GAREM2: variants seen among roughly 807,000 people sequenced by gnomAD.
GAREM2 encodes the protein GRB2-associated and regulator of MAPK protein 2.
A neutral mutation model predicts 55.6 loss-of-function variants in GAREM2; 30 were observed. The observed-to-expected ratio is 0.54, with a 90% CI of 0.40 to 0.73. GAREM2 has a LOEUF of 0.73. Among genes scored for constraint, GAREM2 ranks in the 30% least tolerant of loss-of-function variants. GAREM2 has a pLI of 0.00. For missense variants in GAREM2, 1,075 were observed against 1,257.7 expected (o/e 0.85, Z 2.20); for synonymous variants, 550 against 569.1 (o/e 0.97, Z 0.48).
chr2:26,193,150 A>G (rs570372807), downstream of GAREM2, among the ~76,000 whole-genome samples: 14 of 151,850 alleles, frequency 9.2e-5, no homozygotes, highest in Non-Finnish European at 1.8e-4. Context: ...CTTCTGCACT[A>G]TTGCAGATTT....
downstream of GAREM2, chr2:26,191,156 G>A (rs575343329): frequency 1.5e-5 from 20 of 1,317,886 alleles, no homozygotes; most frequent in Admixed American, 5.2e-5. Context: ...TTGTCTTCTC[G>A]TTACTCTGAT....
chr2:26,196,073 T>C, the GAREM2 span, among the ~76,000 whole-genome samples: 2 of 152,272 alleles, frequency 1.3e-5, no homozygotes, highest in Non-Finnish European at 2.9e-5. Flanking sequence ...ATTATCTACC[T>C]GCTCTTCAAT....
chr2:26,185,424 GGCAAAA>G, intron 4 of GAREM2, 148 bp downstream of exon 4: 3 of 1,295,456 alleles, frequency 2.3e-6, no homozygotes, highest in Non-Finnish European at 3.0e-6. Flanking sequence ...AGGCATGCCA[GGCAAAA>G]GCATTTGTAG....
chr2:26,180,896 C>T, intron 2 of GAREM2: 1 of 985,442 alleles, frequency 1.0e-6, no homozygotes, highest in Non-Finnish European at 1.2e-6. Flanking sequence ...GGGTTACAAG[C>T]GTGAGCCACC....
chr2:26,203,922 A>G, the GAREM2 span: 5 of 854,152 alleles, frequency 5.9e-6, no homozygotes, highest in East Asian at 9.7e-5. Context: ...CGGAGTATCT[A>G]GAACTCATTA....
In GAREM2 at chr2:26,184,218, C is replaced by T. The variant is rs1432569634; in HGVS notation, c.385-15C>T. The T allele has an allele frequency of 6.5e-7, 1 of 1,548,934 alleles. No individual in the cohort carries two copies. The highest frequency in any genetic ancestry group is 1.2e-5 in the South Asian group (1 of 84,048). On this transcript the variant is annotated splice_polypyrimidine_tract_variant and intron_variant, in intron 3 of 5. Coordinates refer to ENST00000401533, the MANE Select transcript of GAREM2 (RefSeq NM_001168241.2). Reference sequence around the variant, plus strand: ...GGACCTGGCTAAGGCCCTGCCCTGTCTCTGGGATCCCCAGGTGGTGTCGGG... The same window carrying T: ...GGACCTGGCTAAGGCCCTGCCCTGTTTCTGGGATCCCCAGGTGGTGTCGGG...
chr2:26,201,548 C>T, the GAREM2 span, among the ~76,000 whole-genome samples: 3 of 152,188 alleles, frequency 2.0e-5, no homozygotes, highest in Non-Finnish European at 2.9e-5. Flanking sequence ...CTCCCAAGTA[C>T]ACATTCTTTC....
chr2:26,187,284 A>G lies in GAREM2; in HGVS notation c.1652A>G (p.Tyr551Cys), dbSNP rs1276312416. ...CCATCGCCGGACACCTACTCCCTCT[A>G]TTGCTACCCATGCACCTGGGGAGAC... ...GSPSPDTYSL[Y>C]CYPCTWGDCK... Residue 551 changes from tyrosine (Y) to cysteine (C), a missense_variant, in exon 6 of 6, where the codon TAT (tyrosine) becomes TGT (cysteine). Physicochemically the swap from Tyr to Cys is radical, Grantham distance 194 (BLOSUM62 -2). This residue lies in a region of GAREM2 where 515 missense variants were observed against 501.5 expected (regional missense o/e 1.03). Transcript: ENST00000401533. The G allele has an allele frequency of 6.8e-7, 1 of 1,480,776 alleles. No individual in the cohort carries two copies. The highest frequency in any genetic ancestry group is 1.4e-5 in the South Asian group (1 of 73,002). The allele number at this position is 1,480,776 out of a possible 1,614,324, so 91.7% of individuals were successfully genotyped here.
At chr2:26,192,168 C>A, downstream of GAREM2, 5 of 626,798 alleles carry the variant, frequency 8.0e-6, no homozygotes, top group South Asian at 9.6e-5. Context: ...CACCATGGCA[C>A]GTGTATACCT....
At chr2:26,197,760 A>T in the GAREM2 span, 1 of 1,531,368 alleles carries the variant, frequency 6.5e-7, no homozygotes, top group Non-Finnish European at 9.1e-7. Flanking sequence ...TGGCAAAGAT[A>T]CAGTGATCTG....
chr2:26,183,638 A>G (rs889427420), intron 3 of GAREM2, among the ~76,000 whole-genome samples: 1 of 152,140 alleles, frequency 6.6e-6, no homozygotes, highest in African/African-American at 2.4e-5. Context: ...AGGCGGGAGG[A>G]CTGTTGCCAG....
chr2:26,191,494 G>A, downstream of GAREM2: 17 of 1,614,194 alleles, frequency 1.1e-5, no homozygotes, highest in Non-Finnish European at 1.4e-5. Context: ...TCCCAGACAA[G>A]GCGGGAAGCC....
At chr2:26,202,506 T>C in the GAREM2 span, among the ~76,000 whole-genome samples, 1 of 152,300 alleles carries the variant, frequency 6.6e-6, no homozygotes, top group Middle Eastern at 3.4e-3. Context: ...TTTGGGAGGC[T>C]GCAGCAGGCG....
chr2:26,193,763 C>T, downstream of GAREM2: 3 of 1,614,068 alleles, frequency 1.9e-6, no homozygotes, highest in Non-Finnish European at 2.5e-6. Flanking sequence ...TTCTTCGGGT[C>T]AACTCCTTCC....
At chr2:26,182,656 CAT>C (rs1340045097) in intron 2 of GAREM2, among the ~76,000 whole-genome samples, 1 of 152,224 alleles carries the variant, frequency 6.6e-6, no homozygotes, top group Non-Finnish European at 1.5e-5. Flanking sequence ...GCTGTGTCCA[CAT>C]GTTTGGGGCT....
In GAREM2 at chr2:26,188,140, C is replaced by T. The variant is rs1424176620; in HGVS notation, c.2508C>T (p.Ile836=). ...TGAGCTTCTTTGCCCGAGAACGCAT[C>T]GATGGTAGCATCTTTGTGCAGCTCA... ...DVVSFFARER[I]DGSIFVQLSE... is the part of the protein sequence containing the mutation. Residue 836 remains isoleucine, a synonymous_variant, in exon 6 of 6, where the codon ATC becomes ATT. Coordinates refer to ENST00000401533, the MANE Select transcript of GAREM2 (RefSeq NM_001168241.2). 8.4e-6 allele frequency: 13 copies of T among 1,551,208 alleles called. No homozygotes were observed. Among genetic ancestry groups the T allele is most frequent in the Admixed American group, 7.9e-5 (4 of 50,918 alleles).
rs899743762 is a variant in GAREM2 at position 26,176,360 on chromosome 2, C to T, written c.129C>T (p.Gly43=). The T allele has an allele frequency of 2.2e-5, 34 of 1,546,144 alleles. 1 individual carries two copies. Among genetic ancestry groups the T allele is most frequent in the Admixed American group, 9.9e-5 (5 of 50,474 alleles). Residue 43 remains glycine (G), a synonymous_variant, in exon 2 of 6, where the codon GGC becomes GGT. Transcript: ENST00000401533. Reference sequence around the variant, plus strand: ...CCTTCCCAGGGGAGTACGCCGAGGGCGTCAGTGAGCGAGACATCCTGCTCA... The same window carrying T: ...CCTTCCCAGGGGAGTACGCCGAGGGTGTCAGTGAGCGAGACATCCTGCTCA... ...ACLGPGEYAE[G]VSERDILLIH... is the part of the protein sequence containing the mutation.
rs532424561 is a variant in GAREM2 at position 26,187,961 on chromosome 2, C to T, written c.2329C>T (p.Arg777Cys). 7.6e-5 allele frequency: 111 copies of T among 1,454,670 alleles called. 2 individuals carry two copies. The Admixed American group carries it at 1.9e-3, about 25-fold the overall frequency. The allele number at this position is 1,454,670 out of a possible 1,614,324, so 90.1% of individuals were successfully genotyped here. A position where few individuals can be genotyped will look rare whatever the true frequency, so the allele number is the denominator to read the frequency against. ...AGGALFLTQG[R>C]LEGPPASPRD... ...AGGAGCACTTTTTCTAACCCAAGGG[C>T]GCCTGGAAGGGCCTCCTGCCAGTCC... Residue 777 changes from arginine to cysteine, a missense_variant, in exon 6 of 6, where the codon CGC (arginine) becomes TGC (cysteine). Physicochemically the swap from Arg to Cys is radical, Grantham distance 180. Transcript: ENST00000401533.
chr2:26,188,199 C>T lies in GAREM2; in HGVS notation c.2567C>T (p.Thr856Ile). ...ATCCTGGCAGATGACTTCCACCTCA[C>T]CAAGCTGCAGGTCAAGAAGATCATG... ...EDILADDFHL[T>I]KLQVKKIMQF... Residue 856 changes from threonine to isoleucine, a missense_variant, in exon 6 of 6, where the codon ACC becomes ATC. Coordinates refer to ENST00000401533, the MANE Select transcript of GAREM2 (RefSeq NM_001168241.2). The T allele has an allele frequency of 6.5e-7, 1 of 1,534,218 alleles. No individual in the cohort carries two copies. Among genetic ancestry groups the T allele is most frequent in the Middle Eastern group, 1.7e-4 (1 of 5,928 alleles).
Sources: allele counts gnomAD v4.1 joint callset (sites outside exome capture counted in the v4.1 genomes callset), GRCh38; gene constraint gnomAD v4.1.1; regional missense constraint gnomAD v4.1.1; transcripts MANE v1.5; gene names NCBI Gene and HGNC (gene_info 2026-07-23, HGNC 2026-07-21).